Variants in STON2 observed in about 807,000 individuals in gnomAD.
STON2 encodes the protein stonin 2.
A neutral mutation model predicts 65.7 loss-of-function variants in STON2; 29 were observed. That is an observed-to-expected ratio of 0.44 (90% CI 0.33 to 0.60). The LOEUF (loss-of-function observed/expected upper bound fraction) is 0.60, where lower values mean the gene tolerates loss of function less well. STON2 is among the 20% of genes least tolerant of loss of function. STON2 has a pLI of 0.03. For synonymous variants in STON2, 404 were observed against 414.2 expected, an observed-to-expected ratio of 0.98 and a Z score of 0.30; for missense variants, 1,054 against 1,118.1, an observed-to-expected ratio of 0.94 and a Z score of 0.82.
At chr14:81,385,439 GTATC>G (rs1384302533) in intron 3 of STON2, among the ~76,000 whole-genome samples, 2 of 152,184 alleles carry the variant, frequency 1.3e-5, no homozygotes, top group Non-Finnish European at 2.9e-5. Flanking sequence ...ATGTGTGTAT[GTATC>G]TATGTATATG....
At chr14:81,316,704 C>T (rs1896632612) in intron 5 of STON2, among the ~76,000 whole-genome samples, 1 of 152,144 alleles carries the variant, frequency 6.6e-6, no homozygotes, top group African/African-American at 2.4e-5. Flanking sequence ...CAAAGGAAGA[C>T]CTGAGACTGG....
intron 1 of STON2, among the ~76,000 whole-genome samples, chr14:81,428,475 A>C (rs1340570920): frequency 6.6e-6 from 1 of 151,906 alleles, no homozygotes; most frequent in Non-Finnish European, 1.5e-5. Flanking sequence ...GTAATCCCAG[A>C]ACTTTGGGAG....
chr14:81,382,998 CT>C (rs1899606224), intron 3 of STON2, among the ~76,000 whole-genome samples: 1 of 152,220 alleles, frequency 6.6e-6, no homozygotes, highest in Non-Finnish European at 1.5e-5. Context: ...AGGCCACAAG[CT>C]TAGCTGAAAG....
chr14:81,356,897 C>A (rs1898260825), intron 4 of STON2, among the ~76,000 whole-genome samples: 1 of 152,096 alleles, frequency 6.6e-6, no homozygotes, highest in Non-Finnish European at 1.5e-5. Context: ...ATTCTTCTCT[C>A]TTTTTTTCTT....
At position 81,268,423 on chromosome 14, in the gene STON2, T is replaced by G. The variant is rs909721202; in HGVS notation, c.2859A>C (p.Gly953=). The G allele has an allele frequency of 1.6e-6, 2 of 1,289,610 alleles. No homozygotes were observed. Among genetic ancestry groups the G allele is most frequent in the Admixed American group, 2.3e-5 (1 of 43,556 alleles). 79.9% of individuals were successfully genotyped at this position (1,289,610 alleles called of 1,614,324 possible). ...GDEMENPKEC[G]VQ is the part of the protein sequence containing the mutation. ...TTGCCGCAAGGCTTTGTCACTGCACTCCACACTCCTTGGGATTTTCCATTT... is the reference window on the plus strand; with the variant it reads ...TTGCCGCAAGGCTTTGTCACTGCACGCCACACTCCTTGGGATTTTCCATTT... Residue 953 remains glycine (G), a synonymous_variant, in exon 8 of 8, where the codon GGA becomes GGC. Coordinates refer to ENST00000614646, the MANE Select transcript of STON2 (RefSeq NM_001394390.1).
At chr14:81,293,735 G>A (rs922964525) in intron 5 of STON2, among the ~76,000 whole-genome samples, 2 of 152,096 alleles carry the variant, frequency 1.3e-5, no homozygotes, top group Non-Finnish European at 2.9e-5. Flanking sequence ...ACCCTTCCAG[G>A]GGATGAATGA....
Position 81,396,298 on chromosome 14 carries a change from G to A in STON2, c.89-120C>T. 5 of 895,358 alleles carry A rather than the reference G, an allele frequency of 5.6e-6. No individual in the cohort carries two copies. The South Asian group carries it at 8.7e-5, about 16-fold the overall frequency. The allele number at this position is 895,358 out of a possible 1,614,324, so 55.5% of individuals were successfully genotyped here. A position where few individuals can be genotyped will look rare whatever the true frequency, so the allele number is the denominator to read the frequency against. On this transcript the variant is annotated intron_variant, in intron 2 of 7. Coordinates refer to ENST00000614646, the MANE Select transcript of STON2 (RefSeq NM_001394390.1). ...CGCATGACTCGCCACTGCAGTGAGT[G>A]GGGAGAAGAAAGAGCCACACCCATC...
intron 3 of STON2, among the ~76,000 whole-genome samples, chr14:81,388,089 A>G (rs1483054476): frequency 6.7e-6 from 1 of 150,280 alleles, no homozygotes; most frequent in Admixed American, 6.6e-5. Flanking sequence ...AGCTGAGACT[A>G]CAGGCACCCA....
At chr14:81,284,615 CAA>C (rs1895261827) in intron 5 of STON2, among the ~76,000 whole-genome samples, 1 of 152,172 alleles carries the variant, frequency 6.6e-6, no homozygotes, top group African/African-American at 2.4e-5. Context: ...GTAGAAGCTG[CAA>C]CAAGTTATCC....
intron 3 of STON2, among the ~76,000 whole-genome samples, chr14:81,385,488 A>T (rs1292452235): frequency 5.9e-5 from 9 of 152,232 alleles, no homozygotes; most frequent in Non-Finnish European, 1.3e-4. Flanking sequence ...ATGCACATAC[A>T]TATGTGTGTG....
intron 4 of STON2, among the ~76,000 whole-genome samples, chr14:81,357,649 C>G (rs1362046238): frequency 6.6e-6 from 1 of 152,076 alleles, no homozygotes; most frequent in East Asian, 1.9e-4. Context: ...AAATGTCCAA[C>G]AGTGATAGAC....
intron 4 of STON2, among the ~76,000 whole-genome samples, chr14:81,355,301 T>A (rs1898181006): frequency 6.6e-6 from 1 of 151,760 alleles, no homozygotes; most frequent in Non-Finnish European, 1.5e-5. Context: ...TGCAGAAGTC[T>A]CCAATAAAAT....
At chr14:81,400,336 T>A (rs3915221), upstream of STON2, among the ~76,000 whole-genome samples, 88,106 of 151,938 alleles carry the variant, frequency 0.58, 27,870 homozygotes, top group African/African-American at 0.83. Context: ...GCTTCTGCCT[T>A]TGACGACTTT....
At position 81,265,892 on chromosome 14, in the gene STON2, G is replaced by A. The variant is rs551019017; in HGVS notation, c.*2522C>T. On this transcript the variant is annotated 3_prime_UTR_variant, in exon 8 of 8. Coordinates refer to ENST00000614646, the MANE Select transcript of STON2 (RefSeq NM_001394390.1). ...CAGAGATCTTGACAGAGTGCTAAGC[G>A]TGAGTGACTAAGGAAGGTGCTGGGA... The A allele has an allele frequency of 1.3e-5, 13 of 985,234 alleles. No homozygotes were observed. In the Admixed American group the frequency reaches 6.2e-4, roughly 47 times the overall value. The allele number at this position is 985,234 out of a possible 1,614,324, so 61.0% of individuals were successfully genotyped here. A position where few individuals can be genotyped will look rare whatever the true frequency, so the allele number is the denominator to read the frequency against.
chr14:81,381,703 T>C (rs1192746452), intron 3 of STON2, among the ~76,000 whole-genome samples: 1 of 152,184 alleles, frequency 6.6e-6, no homozygotes, highest in Non-Finnish European at 1.5e-5. Context: ...GGAGCCACAG[T>C]GTCTTTCATG....
chr14:81,370,919 G>C lies in STON2; in HGVS notation c.571+69C>G, dbSNP rs1020417592. 10 of 1,420,692 alleles carry C rather than the reference G, an allele frequency of 7.0e-6. No homozygotes were observed. The African/African-American group carries it at 1.3e-4, about 18-fold the overall frequency. The allele number at this position is 1,420,692 out of a possible 1,614,324, so 88.0% of individuals were successfully genotyped here. The stretch of plus-strand genomic sequence containing the variant: ...AGCCAGCTGCAGCAATTTTTAAAAG[G>C]ACTTTAAAGTGGACCTGGGTACACC... On this transcript the variant is annotated intron_variant, in intron 4 of 7. Coordinates refer to ENST00000614646, the MANE Select transcript of STON2 (RefSeq NM_001394390.1).
intron 2 of STON2, among the ~76,000 whole-genome samples, chr14:81,422,268 T>C (rs73344104): frequency 6.6e-6 from 1 of 152,020 alleles, no homozygotes; most frequent in Non-Finnish European, 1.5e-5. Flanking sequence ...AGAACTGAAG[T>C]TGAAAAGAGC....
At chr14:81,429,885 A>T (rs1902155077) in intron 1 of STON2, among the ~76,000 whole-genome samples, 1 of 151,828 alleles carries the variant, frequency 6.6e-6, no homozygotes, top group Non-Finnish European at 1.5e-5. Flanking sequence ...CAGTGAGCTG[A>T]GATCGCGCCA....
chr14:81,285,258 G>A (rs1895289628), intron 5 of STON2, among the ~76,000 whole-genome samples: 1 of 152,146 alleles, frequency 6.6e-6, no homozygotes, highest in African/African-American at 2.4e-5. Context: ...TCCTGGAAAG[G>A]ATTCATCATT....
Sources: allele counts gnomAD v4.1 joint callset (sites outside exome capture counted in the v4.1 genomes callset), GRCh38; gene constraint gnomAD v4.1.1; transcripts MANE v1.5; gene names NCBI Gene and HGNC (gene_info 2026-07-23, HGNC 2026-07-21).